The following CERS6 variants were observed in gnomAD, a reference collection of about 807,000 sequenced individuals.
CERS6 encodes the protein LAG1 homolog, ceramide synthase 6.
Under a neutral mutation model 56.8 loss-of-function variants are expected in CERS6, and 26 were observed. The observed-to-expected ratio is 0.46, with a 90% CI of 0.34 to 0.63. The LOEUF (loss-of-function observed/expected upper bound fraction) is 0.63. CERS6 is among the 30% of genes least tolerant of loss of function. The pLI is 0.01. For synonymous variants in CERS6, 164 were observed against 173.3 expected (o/e 0.95, Z 0.42); for missense variants, 415 against 467.5 (o/e 0.89, Z 1.04).
chr2:168,566,336 G>A (rs1342208703), intron 3 of CERS6, among the ~76,000 whole-genome samples: 1 of 152,032 alleles, frequency 6.6e-6, no homozygotes, highest in Admixed American at 6.6e-5. Context: ...TTTTCTTTAG[G>A]AATTCCATTT....
At chr2:168,520,458 T>G (rs1434830724) in intron 1 of CERS6, among the ~76,000 whole-genome samples, 1 of 152,038 alleles carries the variant, frequency 6.6e-6, no homozygotes, top group Non-Finnish European at 1.5e-5. Context: ...TCAATTTTTA[T>G]TTTTGTTGCG....
At chr2:168,552,306 T>C (rs761457924) in intron 2 of CERS6, among the ~76,000 whole-genome samples, 1 of 138,930 alleles carries the variant, frequency 7.2e-6, no homozygotes, top group African/African-American at 2.7e-5. Context: ...CGGAGAATAA[T>C]AAGGAAAGAA....
intron 3 of CERS6, among the ~76,000 whole-genome samples, chr2:168,595,761 A>T (rs1268320693): frequency 6.6e-6 from 1 of 152,224 alleles, no homozygotes; most frequent in African/African-American, 2.4e-5. Flanking sequence ...GACTCACATG[A>T]ATATTGCCTT....
At chr2:168,545,827 G>A (rs1020459096) in intron 1 of CERS6, among the ~76,000 whole-genome samples, 1 of 152,184 alleles carries the variant, frequency 6.6e-6, no homozygotes, top group Non-Finnish European at 1.5e-5. Context: ...TGGAACAGCA[G>A]GCTGTTACAA....
intron 3 of CERS6, among the ~76,000 whole-genome samples, chr2:168,623,015 A>G (rs1409630821): frequency 6.6e-6 from 1 of 152,212 alleles, no homozygotes; most frequent in Non-Finnish European, 1.5e-5. Context: ...TTGAAACTAC[A>G]GTCAATTTGC....
chr2:168,641,720 C>T (rs4233820), intron 4 of CERS6, among the ~76,000 whole-genome samples: 148,117 of 152,266 alleles, frequency 0.97, 72,151 homozygotes, highest in Middle Eastern at 1. Flanking sequence ...ATCATTATTA[C>T]CATACGGTAT....
intron 1 of CERS6, among the ~76,000 whole-genome samples, chr2:168,537,882 G>A (rs1270573641): frequency 6.6e-6 from 1 of 152,096 alleles, no homozygotes; most frequent in African/African-American, 2.4e-5. Context: ...GACTTACCAG[G>A]CCTCACACTG....
rs556085529 is a variant in CERS6, at chr2:168,671,390, A to G, written c.466-19644A>G. ...TTTAAATAAATATAATCTGAAGCTT[A>G]AGGAAATCCATGGTATAGCTAGTTA... On this transcript the variant is annotated intron_variant, in intron 4 of 9. Transcript: ENST00000305747. Among the ~76,000 whole-genome samples the G allele has an allele frequency of 2.6e-5, 4 of 152,306 alleles. No individual in the cohort carries two copies. The East Asian group carries it at 7.7e-4, about 29-fold the overall frequency.
intron 4 of CERS6, among the ~76,000 whole-genome samples, chr2:168,664,286 G>T (rs1685702442): frequency 6.6e-6 from 1 of 152,124 alleles, no homozygotes; most frequent in Non-Finnish European, 1.5e-5. Flanking sequence ...ATCTCTTCCT[G>T]CACCTTCCAC....
chr2:168,581,521 C>G (rs377476930), intron 3 of CERS6, among the ~76,000 whole-genome samples: 18 of 152,314 alleles, frequency 1.2e-4, no homozygotes, highest in East Asian at 1.2e-3. Flanking sequence ...TGTCATCTGA[C>G]ATATCTTTCA....
At position 168,657,558 on chromosome 2, in the gene CERS6, A is replaced by G. The variant is rs367669914; in HGVS notation, c.465+26516A>G. Among the ~76,000 whole-genome samples, 186 of 152,348 alleles carry G rather than the reference A, an allele frequency of 1.2e-3. 1 individual carries two copies. The highest frequency in any genetic ancestry group is 5.0e-3 in the South Asian group (24 of 4,830). On this transcript the variant is annotated intron_variant, in intron 4 of 9. Transcript: ENST00000305747. ...AGTGGGTGGGAGGCTCAGGCATGGC[A>G]GACTGCAGGTCCCGAGCCCTGCCCC... is the stretch of plus-strand genomic sequence containing the variant.
At chr2:168,582,375 C>G (rs1683434541) in intron 3 of CERS6, among the ~76,000 whole-genome samples, 1 of 152,072 alleles carries the variant, frequency 6.6e-6, no homozygotes, top group South Asian at 2.1e-4. Flanking sequence ...CTCTGGGTTC[C>G]TAGTTTCCCT....
At chr2:168,592,034 G>A (rs978531113) in intron 3 of CERS6, among the ~76,000 whole-genome samples, 1 of 152,166 alleles carries the variant, frequency 6.6e-6, no homozygotes, top group Non-Finnish European at 1.5e-5. Flanking sequence ...TCAACTGAGT[G>A]TCAAAGAATT....
chr2:168,689,266 A>G (rs1485979686), intron 4 of CERS6, among the ~76,000 whole-genome samples: 3 of 152,188 alleles, frequency 2.0e-5, no homozygotes, highest in South Asian at 2.1e-4. Context: ...GAGATAATCA[A>G]CTTTATCAGA....
In CERS6 at chr2:168,627,256, G is replaced by A. The variant is rs958047845; in HGVS notation, c.408-3729G>A. ...CCTTAAAAACAAGAGCATTTAATTT[G>A]GCAATGAAATTTAGGGCAATGATTT... On this transcript the variant is annotated intron_variant, in intron 3 of 9. Transcript: ENST00000305747. Among the ~76,000 whole-genome samples the A allele has an allele frequency of 3.3e-5, 5 of 152,002 alleles. No individual in the cohort carries two copies. In the East Asian group the frequency reaches 5.8e-4, roughly 18 times the overall value.
intron 4 of CERS6, among the ~76,000 whole-genome samples, chr2:168,672,003 G>C (rs765134633): frequency 6.6e-6 from 1 of 152,164 alleles, no homozygotes; most frequent in Non-Finnish European, 1.5e-5. Flanking sequence ...CTTCATATAA[G>C]TTTTCTAGAT....
intron 1 of CERS6, among the ~76,000 whole-genome samples, chr2:168,524,167 A>G (rs967713410): frequency 3.3e-5 from 5 of 152,214 alleles, no homozygotes; most frequent in African/African-American, 1.2e-4. Flanking sequence ...AGTGTGTTTT[A>G]TGCAAAAGGA....
At chr2:168,750,316 TTACA>T (rs1468569890) in intron 8 of CERS6, among the ~76,000 whole-genome samples, 1 of 118,044 alleles carries the variant, frequency 8.5e-6, no homozygotes, top group Non-Finnish European at 2.0e-5. Context: ...ATTTATATGA[TTACA>T]TACATGTTAA....
chr2:168,572,594 A>T (rs747482609), intron 3 of CERS6, among the ~76,000 whole-genome samples: 8 of 152,160 alleles, frequency 5.3e-5, no homozygotes, highest in Non-Finnish European at 8.8e-5. Flanking sequence ...CCTGCAGAGC[A>T]AACATGGAAA....
Sources: gnomAD v4.1 joint callset for allele counts (sites outside exome capture counted in the v4.1 genomes callset) on GRCh38, gnomAD v4.1.1 for gene constraint, MANE v1.5 for transcripts, NCBI Gene and HGNC (gene_info 2026-07-23, HGNC 2026-07-21) for gene names.